The following PUM2 variants were observed in gnomAD, a reference collection of about 807,000 sequenced individuals.
The protein encoded by PUM2 is pumilio homolog 2.
Under a neutral mutation model 124.5 loss-of-function variants are expected in PUM2, and 57 were observed. The ratio of observed to expected loss-of-function variants is 0.46; its 90% confidence interval spans 0.37 to 0.57. The LOEUF is 0.57. Among genes scored for constraint, PUM2 ranks in the 20% least tolerant of loss-of-function variants. PUM2 has a pLI of 0.00. For missense variants in PUM2, 1,065 were observed against 1,290.6 expected (o/e 0.83, Z 2.68); for synonymous variants, 460 against 446.1 (o/e 1.03, Z -0.39).
intron 7 of PUM2, among the ~76,000 whole-genome samples, chr2:20,306,983 G>C (rs986532513): frequency 5.9e-5 from 9 of 151,912 alleles, no homozygotes; most frequent in East Asian, 2.0e-4. Context: ...GGAGGCCGAG[G>C]GGGGGCTGAT....
intron 1 of PUM2, chr2:20,350,346 C>T (rs1689082060): frequency 1.8e-6 from 1 of 558,630 alleles, no homozygotes; most frequent in Non-Finnish European, 2.3e-6. Flanking sequence ...AGGCGGCGGC[C>T]CCGCAGAGGG....
At chr2:20,350,847 C>G, upstream of PUM2, 2 of 961,440 alleles carry the variant, frequency 2.1e-6, no homozygotes, top group South Asian at 4.8e-5. Flanking sequence ...CCTCCCCTCC[C>G]CCCCGCCCAC....
chr2:20,264,352 AAAAAAAAAAAAAAAAATATATATATAT>A (rs1667030594), intron 13 of PUM2, among the ~76,000 whole-genome samples: 1 of 76,284 alleles, frequency 1.3e-5, no homozygotes, highest in African/African-American at 5.3e-5. Context: ...AAAAAAAAAA[AAAAAAAAAAAAAAAAATATATATATAT>A]ATATATATAT....
At chr2:20,338,362 A>C (rs778070620) in intron 1 of PUM2, among the ~76,000 whole-genome samples, 7 of 152,124 alleles carry the variant, frequency 4.6e-5, no homozygotes, top group Non-Finnish European at 8.8e-5. Flanking sequence ...GCACCACTGC[A>C]CTCCAGCCTG....
chr2:20,302,239 T>C (rs1331338984), intron 7 of PUM2, among the ~76,000 whole-genome samples: 1 of 152,140 alleles, frequency 6.6e-6, no homozygotes. Context: ...AAATTCTTGA[T>C]CCACATTTCT....
intron 10 of PUM2, among the ~76,000 whole-genome samples, chr2:20,287,388 C>T (rs1022876543): frequency 6.6e-6 from 1 of 151,902 alleles, no homozygotes; most frequent in African/African-American, 2.4e-5. Context: ...ATGAAAGGGA[C>T]CATATTAAAA....
At chr2:20,280,709 T>C (rs1671308234) in intron 12 of PUM2, among the ~76,000 whole-genome samples, 3 of 152,164 alleles carry the variant, frequency 2.0e-5, no homozygotes, top group Non-Finnish European at 4.4e-5. Flanking sequence ...TTTTACTATA[T>C]GTCTAAATTA....
chr2:20,262,012 T>C (rs981790211), intron 14 of PUM2, among the ~76,000 whole-genome samples: 4 of 152,184 alleles, frequency 2.6e-5, no homozygotes, highest in Non-Finnish European at 4.4e-5. Flanking sequence ...GGAGGACTGC[T>C]TGAGCCCAGG....
chr2:20,350,761 C>T lies in PUM2; in HGVS notation c.-183G>A, dbSNP rs1689219930. 4 of 980,730 alleles carry T rather than the reference C, an allele frequency of 4.1e-6. No homozygotes were observed. The highest frequency in any genetic ancestry group is 6.2e-5 in the Admixed American group (1 of 16,046). The allele number at this position is 980,730 out of a possible 1,614,324, so 60.8% of individuals were successfully genotyped here. ...ACCCCACCTCCTCCTTCTCCTCCCC[C>T]TCCTCCTCCGAACCACCGAAGTACC... On this transcript the variant is annotated 5_prime_UTR_variant, in exon 1 of 21. Coordinates refer to ENST00000361078, the MANE Select transcript of PUM2 (RefSeq NM_015317.5).
At chr2:20,258,584 C>CTAA (rs1665389236) in intron 15 of PUM2, among the ~76,000 whole-genome samples, 2 of 146,446 alleles carry the variant, frequency 1.4e-5, no homozygotes. Flanking sequence ...TTCCTTGTTA[C>CTAA]TAATATGTTA....
chr2:20,337,987 C>T (rs986536351), intron 1 of PUM2, among the ~76,000 whole-genome samples: 4 of 152,118 alleles, frequency 2.6e-5, no homozygotes, highest in African/African-American at 9.7e-5. Context: ...AATTTCCCTA[C>T]CCTAATATAC....
chr2:20,352,161 C>T (rs1049169774), upstream of PUM2: 21 of 152,240 alleles, frequency 1.4e-4, no homozygotes, highest in African/African-American at 5.1e-4. Flanking sequence ...ATATAAATAA[C>T]TTACCAAGCC....
rs1662839258 is a variant in PUM2 at position 20,249,694 on chromosome 2, A to G, written c.*1891T>C. The G allele has an allele frequency of 6.6e-6, 1 of 152,638 alleles. No homozygotes were observed. Among genetic ancestry groups the G allele is most frequent in the Admixed American group, 6.5e-5 (1 of 15,284 alleles). 9.5% of individuals were successfully genotyped at this position (152,638 alleles called of 1,614,324 possible). ...TCTAGTAAAAAAAGATCTCTTCCAT[A>G]TTCAGCTGACAGAATAGCATGTTCA... On this transcript the variant is annotated 3_prime_UTR_variant, in exon 21 of 21. Coordinates refer to ENST00000361078, the MANE Select transcript of PUM2 (RefSeq NM_015317.5).
At chr2:20,318,894 T>C (rs920262302) in intron 2 of PUM2, among the ~76,000 whole-genome samples, 4 of 152,358 alleles carry the variant, frequency 2.6e-5, no homozygotes, top group South Asian at 2.1e-4. Flanking sequence ...TCACTTTTCA[T>C]ACATTTTTAT....
chr2:20,271,873 T>C (rs1036562574), intron 13 of PUM2, among the ~76,000 whole-genome samples: 8 of 152,132 alleles, frequency 5.3e-5, no homozygotes, highest in African/African-American at 1.9e-4. Flanking sequence ...AATAAAAGCA[T>C]CCTGACCAGG....
chr2:20,269,156 T>C (rs944200866), intron 13 of PUM2, among the ~76,000 whole-genome samples: 13 of 152,058 alleles, frequency 8.5e-5, no homozygotes, highest in African/African-American at 2.9e-4. Flanking sequence ...GCAAAATGAC[T>C]GAAGCTACAT....
chr2:20,323,530 C>A (rs1188741119), intron 2 of PUM2, among the ~76,000 whole-genome samples: 1 of 151,858 alleles, frequency 6.6e-6, no homozygotes, highest in Non-Finnish European at 1.5e-5. Flanking sequence ...CAGTATGAAT[C>A]CTTTACTGTT....
chr2:20,289,736 TAATA>T (rs1429952848), intron 10 of PUM2, among the ~76,000 whole-genome samples: 1 of 152,160 alleles, frequency 6.6e-6, no homozygotes, highest in Non-Finnish European at 1.5e-5. Flanking sequence ...TACAAGTACT[TAATA>T]TATAAAAGAA....
chr2:20,308,242 T>C, intron 6 of PUM2, 72 bp downstream of exon 6: 3 of 1,527,786 alleles, frequency 2.0e-6, no homozygotes, highest in Non-Finnish European at 2.7e-6. Flanking sequence ...TTCTTTTCAA[T>C]GCCACATAGC....
Sources: allele counts gnomAD v4.1 joint callset (sites outside exome capture counted in the v4.1 genomes callset), GRCh38; gene constraint gnomAD v4.1.1; transcripts MANE v1.5; gene names NCBI Gene and HGNC (gene_info 2026-07-23, HGNC 2026-07-21).